The following SUGCT variants were observed in gnomAD, a reference collection of about 807,000 sequenced individuals.
The protein encoded by SUGCT is succinyl-CoA:glutarate CoA-transferase.
A neutral mutation model predicts 55.0 loss-of-function variants in SUGCT; 41 were observed. That is an observed-to-expected ratio of 0.74 (90% CI 0.58 to 0.97). SUGCT has a LOEUF of 0.97. SUGCT is among the 50% of genes least tolerant of loss of function. The pLI is 0.00. For synonymous variants in SUGCT, 187 were observed against 200.4 expected (o/e 0.93, Z 0.56); for missense variants, 568 against 547.8 (o/e 1.04, Z -0.37).
At chr7:40,151,181 A>G (rs1788551551) in intron 1 of SUGCT, among the ~76,000 whole-genome samples, 2 of 152,208 alleles carry the variant, frequency 1.3e-5, no homozygotes, top group African/African-American at 4.8e-5. Context: ...CGGAGGTTGT[A>G]GTGAGCCGAG....
At chr7:40,912,222 T>C in the SUGCT span, among the ~76,000 whole-genome samples, 2 of 152,220 alleles carry the variant, frequency 1.3e-5, no homozygotes, top group Admixed American at 6.6e-5. Flanking sequence ...ATTGGCCACA[T>C]TTATGATACA....
intron 13 of SUGCT, among the ~76,000 whole-genome samples, chr7:40,813,629 T>C (rs1791530033): frequency 6.6e-6 from 1 of 152,326 alleles, no homozygotes; most frequent in East Asian, 1.9e-4. Context: ...ATGTGTAAGA[T>C]AGGTCTCTTG....
intron 1 of SUGCT, among the ~76,000 whole-genome samples, chr7:40,137,293 A>T (rs548026214): frequency 6.6e-6 from 1 of 151,954 alleles, no homozygotes; most frequent in East Asian, 1.9e-4. Context: ...ATGCCTGGCT[A>T]ATTTTTTTAT....
chr7:40,995,260 C>A, the SUGCT span, among the ~76,000 whole-genome samples: 156 of 152,184 alleles, frequency 1.0e-3, no homozygotes, highest in African/African-American at 3.5e-3. Context: ...TAAATGTTAT[C>A]TTCTTGGTGT....
chr7:40,444,174 T>C (rs1788680066), intron 9 of SUGCT, among the ~76,000 whole-genome samples: 1 of 152,216 alleles, frequency 6.6e-6, no homozygotes, highest in African/African-American at 2.4e-5. Flanking sequence ...CCAGCTTTGT[T>C]CTTTTGGCTT....
the SUGCT span, among the ~76,000 whole-genome samples, chr7:41,011,137 G>T: frequency 6.6e-6 from 1 of 152,160 alleles, no homozygotes; most frequent in Non-Finnish European, 1.5e-5. Context: ...TAAGAACACT[G>T]GTTGACACGC....
At chr7:40,135,632 T>A (rs1787641421) in intron 1 of SUGCT, among the ~76,000 whole-genome samples, 1 of 152,238 alleles carries the variant, frequency 6.6e-6, no homozygotes, top group Non-Finnish European at 1.5e-5. Flanking sequence ...GGTAATCCAC[T>A]ATGAATCTTT....
At chr7:40,394,408 A>G (rs1785606039) in intron 9 of SUGCT, among the ~76,000 whole-genome samples, 1 of 152,224 alleles carries the variant, frequency 6.6e-6, no homozygotes, top group Non-Finnish European at 1.5e-5. Context: ...GAACATAGAT[A>G]ATAGATAAAT....
Position 40,325,910 on chromosome 7 carries a change from TTTG to T in SUGCT, c.816+9058_816+9060del, listed in dbSNP as rs1480334777. Among the ~76,000 whole-genome samples, 14 of 116,804 alleles carry T rather than the reference TTTG, an allele frequency of 1.2e-4. 1 individual carries two copies. Among genetic ancestry groups the T allele is most frequent in the Admixed American group, 3.3e-4 (4 of 12,182 alleles). 76.6% of individuals were successfully genotyped at this position (116,804 alleles called of 152,430 possible). ...CATGGATGTGCGTCTTTTTTTTTTG[TTTG>T]TTTTTGGCAGATTCTAGAATTCTTC... is the stretch of plus-strand genomic sequence containing the variant. On this transcript the variant is annotated intron_variant, in intron 9 of 13. Coordinates refer to ENST00000335693, the MANE Select transcript of SUGCT (RefSeq NM_001193313.2).
At chr7:40,165,833 A>G (rs1353178271) in intron 1 of SUGCT, among the ~76,000 whole-genome samples, 1 of 152,204 alleles carries the variant, frequency 6.6e-6, no homozygotes, top group Non-Finnish European at 1.5e-5. Flanking sequence ...TAACAATTGC[A>G]GGCCAGGTGT....
intron 8 of SUGCT, among the ~76,000 whole-genome samples, chr7:40,299,433 A>G (rs1251189776): frequency 6.6e-6 from 1 of 152,196 alleles, no homozygotes; most frequent in African/African-American, 2.4e-5. Flanking sequence ...GCATTTGCCA[A>G]TTCTCATGGT....
chr7:40,942,254 T>C, the SUGCT span, among the ~76,000 whole-genome samples: 631 of 152,284 alleles, frequency 4.1e-3, 2 homozygotes, highest in African/African-American at 0.013. Flanking sequence ...AGGGCTTGTT[T>C]GGTAATGACA....
At chr7:40,239,011 TG>T (rs1789190523) in intron 7 of SUGCT, among the ~76,000 whole-genome samples, 1 of 152,020 alleles carries the variant, frequency 6.6e-6, no homozygotes, top group African/African-American at 2.4e-5. Context: ...AGTAGAGACA[TG>T]GTTTCACCGT....
chr7:40,537,349 A>T (rs906839796), intron 12 of SUGCT, among the ~76,000 whole-genome samples: 2 of 152,172 alleles, frequency 1.3e-5, no homozygotes, highest in Admixed American at 6.5e-5. Context: ...TTATAGTTTT[A>T]AAAAATGCTA....
At chr7:40,138,363 A>G (rs534410099) in intron 1 of SUGCT, among the ~76,000 whole-genome samples, 1 of 152,302 alleles carries the variant, frequency 6.6e-6, no homozygotes, top group South Asian at 2.1e-4. Context: ...TCCATTTTGT[A>G]TATATGCCAT....
At chr7:40,658,888 G>A (rs1801162711) in intron 12 of SUGCT, among the ~76,000 whole-genome samples, 1 of 152,132 alleles carries the variant, frequency 6.6e-6, no homozygotes, top group South Asian at 2.1e-4. Flanking sequence ...AGCCAAGAAA[G>A]CTACAGAAAA....
rs554948375 is a variant in SUGCT at position 40,344,000 on chromosome 7, G to A, written c.816+27145G>A. ...CTCACTGCCTTCCATGCAAACCTTAGACCTGTTCCCAGGAGGTTGCGTATT... is the reference window on the plus strand; with the variant it reads ...CTCACTGCCTTCCATGCAAACCTTAAACCTGTTCCCAGGAGGTTGCGTATT... On this transcript the variant is annotated intron_variant, in intron 9 of 13. Transcript: ENST00000335693. 2.0e-5 allele frequency among the ~76,000 whole-genome samples: 3 copies of A among 152,214 alleles called. No homozygotes were observed. In the South Asian group the frequency reaches 6.2e-4, roughly 32 times the overall value.
At chr7:40,660,347 C>T (rs1280332741) in intron 12 of SUGCT, among the ~76,000 whole-genome samples, 2 of 152,142 alleles carry the variant, frequency 1.3e-5, no homozygotes, top group East Asian at 3.9e-4. Flanking sequence ...CAACCTCTGC[C>T]TCCCAGGTTG....
chr7:40,401,018 T>G (rs1479360006), intron 9 of SUGCT, among the ~76,000 whole-genome samples: 1 of 152,222 alleles, frequency 6.6e-6, no homozygotes, highest in African/African-American at 2.4e-5. Context: ...TTTATATCCT[T>G]TCATCTTCAT....
Sources: gnomAD v4.1 joint callset for allele counts (sites outside exome capture counted in the v4.1 genomes callset) on GRCh38, gnomAD v4.1.1 for gene constraint, MANE v1.5 for transcripts, NCBI Gene and HGNC (gene_info 2026-07-23, HGNC 2026-07-21) for gene names.